The following B3GALNT2 variants were observed in gnomAD, a reference collection of about 807,000 sequenced individuals.
The protein encoded by B3GALNT2 is beta-1,3-N-acetylgalactosaminyltransferase 2.
A neutral mutation model predicts 61.1 loss-of-function variants in B3GALNT2; 53 were observed. The ratio of observed to expected loss-of-function variants is 0.87; its 90% CI spans 0.70 to 1.09. B3GALNT2 has a LOEUF of 1.09. B3GALNT2 is among the 50% of genes least tolerant of loss of function. The pLI, the probability that B3GALNT2 is intolerant of heterozygous loss-of-function variation, is 0.00. For synonymous variants in B3GALNT2, 223 were observed against 237.4 expected, an observed-to-expected ratio of 0.94 and a Z score of 0.56; for missense variants, 544 against 623.0, an observed-to-expected ratio of 0.87 and a Z score of 1.35.
rs1336810673 is a variant in B3GALNT2, at chr1:235,448,267, T to C, written c.*1939A>G. On this transcript the variant is annotated 3_prime_UTR_variant, in exon 12 of 12. Transcript: ENST00000366600. Reference sequence around the variant, plus strand: ...ACAGATACAGCTATCATTGCAATGATACTGTGGTCTCATCACATGAGCTAG... The same window carrying C: ...ACAGATACAGCTATCATTGCAATGACACTGTGGTCTCATCACATGAGCTAG... 5 of 939,824 alleles carry C rather than the reference T, an allele frequency of 5.3e-6. No individual in the cohort carries two copies. The highest frequency in any genetic ancestry group is 8.7e-6 in the Non-Finnish European group (5 of 572,592). 58.2% of individuals were successfully genotyped at this position (939,824 alleles called of 1,614,324 possible).
Position 235,452,996 on chromosome 1 carries a change from G to C in B3GALNT2, c.1368+94C>G. On this transcript the variant is annotated intron_variant, in intron 11 of 11. Transcript: ENST00000366600. ...AAATCTGAAATCCTAAATACTTCTG[G>C]TCCCAGGCATTTTGGATAAAGAACA... is the stretch of plus-strand genomic sequence containing the variant. 5 of 1,096,444 alleles carry C rather than the reference G, an allele frequency of 4.6e-6. 1 individual carries two copies. The highest frequency in any genetic ancestry group is 2.0e-4 in the Middle Eastern group (1 of 4,906). The allele number at this position is 1,096,444 out of a possible 1,614,324, so 67.9% of individuals were successfully genotyped here. A position where few individuals can be genotyped will look rare whatever the true frequency, so the allele number is the denominator to read the frequency against.
At chr1:235,453,613 T>G (rs575280954) in intron 10 of B3GALNT2, among the ~76,000 whole-genome samples, 29 of 152,164 alleles carry the variant, frequency 1.9e-4, no homozygotes, top group African/African-American at 5.8e-4. Context: ...GCCCAGCTAA[T>G]TTTTTGTATT....
At chr1:235,479,995 C>T in intron 5 of B3GALNT2, 59 bp downstream of exon 5, 1 of 1,595,924 alleles carries the variant, frequency 6.3e-7, no homozygotes, top group East Asian at 2.2e-5. Flanking sequence ...CCTGAAAGCA[C>T]ACGCCCACTC....
At position 235,448,862 on chromosome 1, in the gene B3GALNT2, G is replaced by T; in HGVS notation, c.*1344C>A. The T allele has an allele frequency of 1.1e-6, 1 of 929,626 alleles. No individual in the cohort carries two copies. The highest frequency in any genetic ancestry group is 1.7e-6 in the Non-Finnish European group (1 of 582,854). The allele number at this position is 929,626 out of a possible 1,614,324, so 57.6% of individuals were successfully genotyped here. ...AACAATTCTACTGTCAAAACAAAGG[G>T]GGTTTACAACTTGTCCTAAGTATAA... On this transcript the variant is annotated 3_prime_UTR_variant, in exon 12 of 12. Transcript: ENST00000366600.
rs1244494987 is a variant in B3GALNT2 at position 235,448,231 on chromosome 1, A to AAAAAAAAAAAAAC, written c.*1974_*1975insGTTTTTTTTTTTT. 8.8e-6 allele frequency: 7 copies of AAAAAAAAAAAAAC among 793,306 alleles called. No individual in the cohort carries two copies. In the African/African-American group the frequency reaches 1.2e-4, roughly 14 times the overall value. 49.1% of individuals were successfully genotyped at this position (793,306 alleles called of 1,614,324 possible). On this transcript the variant is annotated 3_prime_UTR_variant, in exon 12 of 12. Transcript: ENST00000366600. Reference sequence around the variant, plus strand: ...AAGTAAGTCAGTCTCAAAAAAAAAAAAAAAAAAAAGACAGATACAGCTATC... The same window carrying AAAAAAAAAAAAAC: ...AAGTAAGTCAGTCTCAAAAAAAAAAAAAAAAAAAAAAACAAAAAAAAAGACAGATACAGCTATC...
At chr1:235,450,401 A>G (rs1187284568) in intron 11 of B3GALNT2, 61 bp from the exon 12 acceptor site, 5 of 1,557,924 alleles carry the variant, frequency 3.2e-6, no homozygotes, top group Non-Finnish European at 4.4e-6. Flanking sequence ...AGCATCAGAA[A>G]GTATGCACGT....
intron 7 of B3GALNT2, among the ~76,000 whole-genome samples, chr1:235,459,814 G>A (rs1377464759): frequency 6.6e-6 from 1 of 151,648 alleles, no homozygotes. Context: ...CTTTTTTTGA[G>A]ACAGAGTCTC....
chr1:235,441,976 AC>A, the B3GALNT2 span: 1 of 1,082,526 alleles, frequency 9.2e-7, no homozygotes, highest in East Asian at 2.5e-5. Context: ...CCTCTTAAGT[AC>A]CTAAGTAAAT....
intron 2 of B3GALNT2, among the ~76,000 whole-genome samples, chr1:235,490,267 G>A (rs1464338410): frequency 6.6e-6 from 1 of 152,012 alleles, no homozygotes; most frequent in African/African-American, 2.4e-5. Flanking sequence ...GTCTCGCTCT[G>A]TCACCCAGGC....
intron 5 of B3GALNT2, among the ~76,000 whole-genome samples, chr1:235,474,645 C>A (rs1572519167): frequency 6.6e-6 from 1 of 151,992 alleles, no homozygotes; most frequent in East Asian, 1.9e-4. Context: ...CATGGTGAAA[C>A]CCTGTCTGTA....
Position 235,484,451 on chromosome 1 carries a change from A to G in B3GALNT2, c.426T>C (p.Asp142=). The G allele has an allele frequency of 1.2e-6, 2 of 1,614,214 alleles. No individual in the cohort carries two copies. Among genetic ancestry groups the G allele is most frequent in the Non-Finnish European group, 1.7e-6 (2 of 1,180,028 alleles). The part of the protein sequence containing the change: ...SEDTSSGLPE[D]RVVSVSFRVL... ...CTCGGAAACTCACGCTGACAACTCG[A>G]TCCTCAGGCAGCCCCGATGAAGTGT... Residue 142 remains aspartate (D), a synonymous_variant, in exon 4 of 12, where the codon GAT becomes GAC. Coordinates refer to ENST00000366600, the MANE Select transcript of B3GALNT2 (RefSeq NM_152490.5).
rs1682402843 is a variant in B3GALNT2, at chr1:235,447,194, A to G, written c.*3012T>C. 6.6e-6 allele frequency among the ~76,000 whole-genome samples: 1 copy of G among 152,214 alleles called. No individual in the cohort carries two copies. The highest frequency in any genetic ancestry group is 1.5e-5 in the Non-Finnish European group (1 of 68,034). ...TTATAAATTCTATTAACTGTATTCA[A>G]TACATACAAAAAGGCCAGTTTTTAT... On this transcript the variant is annotated 3_prime_UTR_variant, in exon 12 of 12. Coordinates refer to ENST00000366600, the MANE Select transcript of B3GALNT2 (RefSeq NM_152490.5).
At chr1:235,489,057 C>T in intron 3 of B3GALNT2, 111 bp downstream of exon 3, 1 of 1,344,778 alleles carries the variant, frequency 7.4e-7, no homozygotes, top group Non-Finnish European at 9.8e-7. Context: ...CTCTAAAACA[C>T]ATAATAAAAT....
At chr1:235,453,745 C>A (rs1004358186) in intron 10 of B3GALNT2, among the ~76,000 whole-genome samples, 1 of 152,140 alleles carries the variant, frequency 6.6e-6, no homozygotes, top group Non-Finnish European at 1.5e-5. Context: ...CAGTGCCCAG[C>A]CTCCAGGGAT....
Position 235,480,113 on chromosome 1 carries a change from A to G in B3GALNT2, c.592T>C (p.Cys198Arg). 1 of 1,613,996 alleles carries G rather than the reference A, an allele frequency of 6.2e-7. No individual in the cohort carries two copies. Among genetic ancestry groups the G allele is most frequent in the East Asian group, 2.2e-5 (1 of 44,882 alleles). ...CACAGCTTGTTCACCTGCACACCACAGCTTGGAGGACTGAAGCGAGCAATG... is the reference window on the plus strand; with the variant it reads ...CACAGCTTGTTCACCTGCACACCACGGCTTGGAGGACTGAAGCGAGCAATG... Reference protein sequence around the residue: ...LFIARFSPPSCGVQVNKLWYK... With the variant: ...LFIARFSPPSRGVQVNKLWYK... Residue 198 changes from cysteine to arginine, a missense_variant, in exon 5 of 12, where the codon TGT becomes CGT. Coordinates refer to ENST00000366600, the MANE Select transcript of B3GALNT2 (RefSeq NM_152490.5).
rs1682706538 is a variant in B3GALNT2, at chr1:235,449,008, AT to A, written c.*1197del. ...TATTTCATATTTATTTTTACAGCTCATCACTGCATTTCATGATAAGATTTAA... is the reference window on the plus strand; with the variant it reads ...TATTTCATATTTATTTTTACAGCTCACACTGCATTTCATGATAAGATTTAA... On this transcript the variant is annotated 3_prime_UTR_variant, in exon 12 of 12. Coordinates refer to ENST00000366600, the MANE Select transcript of B3GALNT2 (RefSeq NM_152490.5). 1 of 407,476 alleles carries A rather than the reference AT, an allele frequency of 2.5e-6. No individual in the cohort carries two copies. The highest frequency in any genetic ancestry group is 5.6e-5 in the East Asian group (1 of 17,946). 25.2% of individuals were successfully genotyped at this position (407,476 alleles called of 1,614,324 possible).
chr1:235,454,487 G>C (rs1428196266), intron 9 of B3GALNT2, among the ~76,000 whole-genome samples, 172 bp from the exon 10 acceptor site: 1 of 152,066 alleles, frequency 6.6e-6, no homozygotes, highest in Non-Finnish European at 1.5e-5. Context: ...TGCTCAGGCT[G>C]GAGTGTAGTG....
downstream of B3GALNT2, among the ~76,000 whole-genome samples, chr1:235,445,652 AAAC>A (rs753670558): frequency 1.3e-5 from 2 of 152,058 alleles, no homozygotes; most frequent in Non-Finnish European, 2.9e-5. Context: ...AAACAAAACA[AAAC>A]AAAACTGCAA....
At chr1:235,496,193 C>A in intron 1 of B3GALNT2, 1 of 181,852 alleles carries the variant, frequency 5.5e-6, no homozygotes, top group South Asian at 7.7e-5. Flanking sequence ...TGCCTGTTAT[C>A]CCAGCTACTT....
Sources: allele counts gnomAD v4.1 joint callset (sites outside exome capture counted in the v4.1 genomes callset), GRCh38; gene constraint gnomAD v4.1.1; transcripts MANE v1.5; gene names NCBI Gene and HGNC (gene_info 2026-07-23, HGNC 2026-07-21).